The following PDZD2 variants were observed in gnomAD, a reference collection of about 807,000 sequenced individuals.
The protein encoded by PDZD2 is PDZ domain containing 2.
A neutral mutation model predicts 220.7 loss-of-function variants in PDZD2; 90 were observed. That is an observed-to-expected ratio of 0.41 (90% CI 0.34 to 0.49). The LOEUF is 0.49. Ranked by LOEUF, PDZD2 falls within the 20% of genes least tolerant of loss-of-function variation. PDZD2 has a pLI of 0.28. For missense variants in PDZD2, 3,174 were observed against 3,608.5 expected (o/e 0.88, Z 3.08); for synonymous variants, 1,375 against 1,450.5 (o/e 0.95, Z 1.18).
At chr5:31,674,307 T>TTACTCAAGA (rs1205703676) in intron 1 of PDZD2, among the ~76,000 whole-genome samples, 16 of 152,344 alleles carry the variant, frequency 1.1e-4, no homozygotes, top group African/African-American at 3.6e-4. Context: ...GAGTGACTAA[T>TTACTCAAGA]GAGTAAGCTA....
At chr5:31,920,250 C>T (rs1043886266) in intron 2 of PDZD2, among the ~76,000 whole-genome samples, 5 of 151,866 alleles carry the variant, frequency 3.3e-5, no homozygotes, top group Non-Finnish European at 5.9e-5. Context: ...CGCCACTGCA[C>T]TCCAGCCTTG....
At chr5:31,749,035 G>C (rs568630459) in intron 1 of PDZD2, among the ~76,000 whole-genome samples, 1 of 152,046 alleles carries the variant, frequency 6.6e-6, no homozygotes, top group Admixed American at 6.6e-5. Context: ...CTAAAATTAG[G>C]AGCAGCCCTA....
intron 1 of PDZD2, among the ~76,000 whole-genome samples, chr5:31,718,694 A>ATTTT (rs34261021): frequency 3.3e-4 from 25 of 74,636 alleles, no homozygotes; most frequent in South Asian, 5.2e-4. Context: ...TAACAGCCTC[A>ATTTT]TTTTTTTTTT....
intron 2 of PDZD2, among the ~76,000 whole-genome samples, chr5:31,955,654 TC>T (rs1198686273): frequency 6.6e-6 from 1 of 151,538 alleles, no homozygotes; most frequent in East Asian, 1.9e-4. Context: ...TTTATGATTT[TC>T]TTCCTTCTGC....
chr5:31,808,391 G>A (rs1754865361), intron 2 of PDZD2, among the ~76,000 whole-genome samples: 7 of 152,198 alleles, frequency 4.6e-5, no homozygotes, highest in Admixed American at 4.6e-4. Context: ...CTGCCATGTG[G>A]AACAGCCCAT....
intron 2 of PDZD2, among the ~76,000 whole-genome samples, chr5:31,973,372 A>G (rs1749476543): frequency 6.6e-6 from 1 of 152,232 alleles, no homozygotes. Context: ...CATGGAGATC[A>G]AAATAATTTT....
At chr5:32,018,352 T>TCAAC (rs1491251519) in intron 6 of PDZD2, among the ~76,000 whole-genome samples, 1 of 152,224 alleles carries the variant, frequency 6.6e-6, no homozygotes, top group Non-Finnish European at 1.5e-5. Context: ...CAGGGACCTC[T>TCAAC]GTGTGCACGG....
chr5:31,795,583 G>T (rs571498036), intron 1 of PDZD2, among the ~76,000 whole-genome samples: 56 of 152,280 alleles, frequency 3.7e-4, no homozygotes, highest in Non-Finnish European at 5.1e-4. Flanking sequence ...GTAGGCCTTT[G>T]CACAGACTAG....
intron 1 of PDZD2, among the ~76,000 whole-genome samples, chr5:31,760,022 A>C (rs559000443): frequency 6.6e-6 from 1 of 152,324 alleles, no homozygotes; most frequent in Non-Finnish European, 1.5e-5. Context: ...AGAGCAGCTC[A>C]GGGGTGCAGC....
At chr5:31,779,351 T>C (rs1335642307) in intron 1 of PDZD2, among the ~76,000 whole-genome samples, 2 of 149,604 alleles carry the variant, frequency 1.3e-5, no homozygotes, top group Non-Finnish European at 3.0e-5. Context: ...TATGTAGCTG[T>C]CCCTAGGAAA....
rs138957921 is a variant in PDZD2, at chr5:31,770,342, C to T, written c.-360-28547C>T. ...GATACTGCCAGACAACGGGAACTGA[C>T]GGAACCAATTGAATAGGATTCCCCA... On this transcript the variant is annotated intron_variant, in intron 1 of 24. Transcript: ENST00000438447. Among the ~76,000 whole-genome samples the T allele has an allele frequency of 7.4e-3, 1,124 of 152,270 alleles. 15 individuals are homozygous for T. The highest frequency in any genetic ancestry group is 0.025 in the African/African-American group (1,059 of 41,550).
At chr5:31,951,225 A>G (rs1747149983) in intron 2 of PDZD2, among the ~76,000 whole-genome samples, 1 of 152,004 alleles carries the variant, frequency 6.6e-6, no homozygotes, top group Admixed American at 6.6e-5. Flanking sequence ...ACAGCACCAC[A>G]CCCAGCTAAT....
At chr5:31,968,674 C>CA (rs201501395) in intron 2 of PDZD2, among the ~76,000 whole-genome samples, 1,610 of 151,498 alleles carry the variant, frequency 0.011, 28 homozygotes, top group African/African-American at 0.035. Flanking sequence ...AACAAACAAA[C>CA]AAAAAAAACA....
At chr5:31,733,650 T>C (rs2150158378) in intron 1 of PDZD2, among the ~76,000 whole-genome samples, 1 of 152,278 alleles carries the variant, frequency 6.6e-6, no homozygotes, top group Middle Eastern at 3.4e-3. Flanking sequence ...GGTGGCCGTC[T>C]TTACTCCCAT....
chr5:31,944,869 G>A (rs4867405), intron 2 of PDZD2, among the ~76,000 whole-genome samples: 80,580 of 152,104 alleles, frequency 0.53, 21,758 homozygotes, highest in East Asian at 0.83. Flanking sequence ...TGAGCCGTGC[G>A]CAGCAGCTGC....
At chr5:32,028,700 GAGAC>G (rs1754887951) in intron 6 of PDZD2, among the ~76,000 whole-genome samples, 1 of 45,604 alleles carries the variant, frequency 2.2e-5, no homozygotes, top group Non-Finnish European at 4.4e-5. Flanking sequence ...TTTTTTTTTT[GAGAC>G]AGAGTCTCGC....
At chr5:31,829,317 G>T (rs1580840817) in intron 2 of PDZD2, among the ~76,000 whole-genome samples, 1 of 147,960 alleles carries the variant, frequency 6.8e-6, no homozygotes, top group South Asian at 2.2e-4. Flanking sequence ...CATATCAAAA[G>T]TATTCAGCTT....
chr5:31,731,519 C>T (rs1358976403), intron 1 of PDZD2, among the ~76,000 whole-genome samples: 1 of 152,162 alleles, frequency 6.6e-6, no homozygotes, highest in Non-Finnish European at 1.5e-5. Context: ...AAGCTGAACC[C>T]TGTGTCTATG....
chr5:31,986,221 C>A (rs1019030592), intron 3 of PDZD2, among the ~76,000 whole-genome samples: 3 of 152,072 alleles, frequency 2.0e-5, no homozygotes, highest in African/African-American at 7.2e-5. Context: ...CAAACTGATC[C>A]ATTGCCTTTA....
Sources: allele counts gnomAD v4.1 joint callset (sites outside exome capture counted in the v4.1 genomes callset), GRCh38; gene constraint gnomAD v4.1.1; transcripts MANE v1.5; gene names NCBI Gene and HGNC (gene_info 2026-07-23, HGNC 2026-07-21).